Variants in EIF4ENIF1 observed in about 807,000 individuals in gnomAD.
EIF4ENIF1 encodes eukaryotic translation initiation factor 4E nuclear import factor 1.
In EIF4ENIF1, 23 loss-of-function variants were observed where a neutral mutation model predicts 110.5. The observed-to-expected ratio is 0.21, with a 90% CI of 0.15 to 0.29. EIF4ENIF1 has a LOEUF of 0.29. Ranked by LOEUF, EIF4ENIF1 falls within the 10% of genes least tolerant of loss-of-function variation. EIF4ENIF1 has a pLI of 1.00. For synonymous variants in EIF4ENIF1, 440 were observed against 437.0 expected (o/e 1.01, Z -0.09); for missense variants, 1,031 against 1,221.1 (o/e 0.84, Z 2.32).
At chr22:31,460,541 A>C (rs1483962499) in intron 6 of EIF4ENIF1, among the ~76,000 whole-genome samples, 2 of 151,986 alleles carry the variant, frequency 1.3e-5, no homozygotes, top group African/African-American at 4.8e-5. Context: ...CTGAGGCAGA[A>C]TTGCTTGACC....
In EIF4ENIF1 at chr22:31,443,654, T is replaced by C. The variant is rs117240572; in HGVS notation, c.2074-560A>G. On this transcript the variant is annotated intron_variant, in intron 15 of 18. Transcript: ENST00000330125. ...ATGGCAGGAGACAGGGCTTGACTTA[T>C]AAACAAAAAAGTTCTTTCCAAACCC... Among the ~76,000 whole-genome samples the C allele has an allele frequency of 5.7e-3, 860 of 152,198 alleles. 11 individuals carry two copies. Among genetic ancestry groups the C allele is most frequent in the East Asian group, 0.023 (120 of 5,186 alleles).
rs530748697 is a variant in EIF4ENIF1, at chr22:31,460,275, T to C, written c.788-1625A>G. Among the ~76,000 whole-genome samples, 21 of 152,332 alleles carry C rather than the reference T, an allele frequency of 1.4e-4. No homozygotes were observed. The South Asian group carries it at 3.9e-3, about 29-fold the overall frequency. On this transcript the variant is annotated intron_variant, in intron 6 of 18. Coordinates refer to ENST00000330125, the MANE Select transcript of EIF4ENIF1 (RefSeq NM_019843.4). Reference sequence around the variant, plus strand: ...CTTCTAAATAAATGCCATCAGCTTATTTCTGCTTATATTTGTCTTCATCAA... The same window carrying C: ...CTTCTAAATAAATGCCATCAGCTTACTTCTGCTTATATTTGTCTTCATCAA...
At chr22:31,456,091 C>A in intron 7 of EIF4ENIF1, 104 bp from the exon 8 acceptor site, 1 of 1,168,248 alleles carries the variant, frequency 8.6e-7, no homozygotes, top group South Asian at 1.5e-5. Context: ...CTTTCATGCT[C>A]GTGACCTGAA....
chr22:31,460,168 T>C (rs141662099), intron 6 of EIF4ENIF1, among the ~76,000 whole-genome samples: 49 of 152,336 alleles, frequency 3.2e-4, no homozygotes, highest in Non-Finnish European at 6.5e-4. Flanking sequence ...CACTGTGTGA[T>C]AGCACAAAGA....
At chr22:31,456,143 T>C (rs1379735389) in intron 7 of EIF4ENIF1, among the ~76,000 whole-genome samples, 156 bp from the exon 8 acceptor site, 2 of 152,170 alleles carry the variant, frequency 1.3e-5, no homozygotes, top group African/African-American at 4.8e-5. Context: ...CACCTTTTTC[T>C]TCCTCCATCC....
chr22:31,458,579 C>T lies in EIF4ENIF1; in HGVS notation c.859G>A (p.Ala287Thr). The stretch of plus-strand genomic sequence containing the variant: ...GCATCCCTTGGCACTTCCTGATCAG[C>T]CGCAGGCTCCTGTGCAAGGATGACC... ...VEVILAQEPA[A>T]DQEVPRDAVL... Residue 287 changes from alanine (A) to threonine (T), a missense_variant, in exon 7 of 19, where the codon GCT becomes ACT. By Grantham distance (58) the Ala-to-Thr change is moderately conservative (BLOSUM62 0). Coordinates refer to ENST00000330125, the MANE Select transcript of EIF4ENIF1 (RefSeq NM_019843.4). 1.2e-6 allele frequency: 2 copies of T among 1,613,790 alleles called. No individual in the cohort carries two copies. Among genetic ancestry groups the T allele is most frequent in the Non-Finnish European group, 1.7e-6 (2 of 1,179,820 alleles).
At chr22:31,474,061 CCT>C (rs1360169450) in intron 2 of EIF4ENIF1, among the ~76,000 whole-genome samples, 5 of 149,866 alleles carry the variant, frequency 3.3e-5, no homozygotes, top group South Asian at 2.2e-4. Context: ...CCTAGTTTTT[CCT>C]CTTTTTTTTT....
chr22:31,458,536 G>T lies in EIF4ENIF1; in HGVS notation c.902C>A (p.Ser301Tyr). ...CTCATTAAAGTCAAAGTCTCCTGGG[G>T]ACTGCTCAGGCAAGACAGCATCCCT... ...VPRDAVLPEQ[S>Y]PGDFDFNEFF... The change falls in exon 7 of 19, where the codon TCC becomes TAC. Residue 301 changes from serine (S) to tyrosine (Y), a missense_variant. By Grantham distance (144) the Ser-to-Tyr change is moderately radical (BLOSUM62 -2). Transcript: ENST00000330125. The T allele has an allele frequency of 1.2e-6, 2 of 1,613,474 alleles. No individual in the cohort carries two copies. The highest frequency in any genetic ancestry group is 8.5e-7 in the Non-Finnish European group (1 of 1,179,520).
chr22:31,451,618 TA>T (rs2050678425), intron 10 of EIF4ENIF1, among the ~76,000 whole-genome samples: 1 of 151,808 alleles, frequency 6.6e-6, no homozygotes, highest in African/African-American at 2.4e-5. Context: ...GGGTATCACA[TA>T]CAGGGCAAAA....
At chr22:31,489,985 C>CCG (rs984644770), upstream of EIF4ENIF1, 1 of 152,108 alleles carries the variant, frequency 6.6e-6, no homozygotes, top group East Asian at 1.9e-4. Flanking sequence ...AGAAGCATCG[C>CCG]CGCGCGCTTC....
At chr22:31,440,515 G>C (rs1403823014) in intron 18 of EIF4ENIF1, among the ~76,000 whole-genome samples, 189 bp downstream of exon 18, 1 of 152,166 alleles carries the variant, frequency 6.6e-6, no homozygotes. Context: ...CACTGACTTT[G>C]CAGGAACAGT....
chr22:31,439,634 AC>A lies in EIF4ENIF1; in HGVS notation c.*245del. On this transcript the variant is annotated 3_prime_UTR_variant, in exon 19 of 19. Transcript: ENST00000330125. ...CACCAACACTTCATTCACATATCTT[AC>A]AAAAAAGAAAGACCATTTCCAGGAT... The A allele has an allele frequency of 1.8e-6, 1 of 541,510 alleles. No individual in the cohort carries two copies. The highest frequency in any genetic ancestry group is 3.2e-6 in the Non-Finnish European group (1 of 315,576). The allele number at this position is 541,510 out of a possible 1,614,324, so 33.5% of individuals were successfully genotyped here. A position where few individuals can be genotyped will look rare whatever the true frequency, so the allele number is the denominator to read the frequency against.
At chr22:31,449,011 ATATT>A (rs951407969) in intron 12 of EIF4ENIF1, among the ~76,000 whole-genome samples, 18 of 152,102 alleles carry the variant, frequency 1.2e-4, no homozygotes, top group African/African-American at 3.4e-4. Context: ...CCCCAAAAGT[ATATT>A]TATTTATTTT....
In EIF4ENIF1 at chr22:31,440,097, G is replaced by C; in HGVS notation, c.2741C>G (p.Ser914Cys). The C allele has an allele frequency of 6.2e-7, 1 of 1,614,160 alleles. No individual in the cohort carries two copies. The highest frequency in any genetic ancestry group is 1.1e-5 in the South Asian group (1 of 91,080). ...RSVLHPPGSG[S>C]HAAAVSVQTT... ...CTGAACGCTGACAGCTGCTGCATGGGAACCAGAGCCTGGAGGATGCAGAAC... is the reference window on the plus strand; with the variant it reads ...CTGAACGCTGACAGCTGCTGCATGGCAACCAGAGCCTGGAGGATGCAGAAC... The change falls in exon 19 of 19, where the codon TCC becomes TGC. Residue 914 changes from serine (S) to cysteine (C), a missense_variant. Physicochemically the swap from Ser to Cys is moderately radical, Grantham distance 112. Transcript: ENST00000330125.
chr22:31,479,232 A>G (rs1156902460), intron 2 of EIF4ENIF1, among the ~76,000 whole-genome samples: 2 of 151,862 alleles, frequency 1.3e-5, no homozygotes, highest in Non-Finnish European at 2.9e-5. Context: ...ATGCCCGGCT[A>G]ATGTTTTTCT....
At chr22:31,448,658 A>G (rs1337179622) in intron 12 of EIF4ENIF1, among the ~76,000 whole-genome samples, 2 of 152,260 alleles carry the variant, frequency 1.3e-5, no homozygotes, top group Non-Finnish European at 1.5e-5. Flanking sequence ...CCAGCAGCCT[A>G]AAGTGGCCTA....
At chr22:31,476,395 CCTG>C (rs1233004728) in intron 2 of EIF4ENIF1, among the ~76,000 whole-genome samples, 1 of 152,050 alleles carries the variant, frequency 6.6e-6, no homozygotes, top group Non-Finnish European at 1.5e-5. Context: ...TTAGGAGTCA[CCTG>C]GGAAAGGTTA....
At chr22:31,474,116 G>A (rs886588230) in intron 2 of EIF4ENIF1, among the ~76,000 whole-genome samples, 4 of 151,156 alleles carry the variant, frequency 2.6e-5, no homozygotes, top group South Asian at 4.2e-4. Context: ...GGAGTGCACT[G>A]GCGCAATCTT....
chr22:31,490,904 T>G (rs1391072059), upstream of EIF4ENIF1, among the ~76,000 whole-genome samples: 1 of 152,220 alleles, frequency 6.6e-6, no homozygotes, highest in African/African-American at 2.4e-5. Context: ...GAACTTCACT[T>G]CACTTGTGAA....
Sources: allele counts gnomAD v4.1 joint callset (sites outside exome capture counted in the v4.1 genomes callset), GRCh38; gene constraint gnomAD v4.1.1; transcripts MANE v1.5; gene names NCBI Gene and HGNC (gene_info 2026-07-23, HGNC 2026-07-21).